CEPT1: variants seen among roughly 807,000 people sequenced by gnomAD.
CEPT1 encodes the protein choline/ethanolamine phosphotransferase 1.
Under a neutral mutation model 42.6 loss-of-function variants are expected in CEPT1, and 7 were observed. That is an observed-to-expected ratio of 0.16 (90% CI 0.09 to 0.31). The LOEUF is 0.31. CEPT1 is among the 10% of genes least tolerant of loss of function. The pLI, the probability that CEPT1 is intolerant of heterozygous loss-of-function variation, is 1.00. For missense variants in CEPT1, 306 were observed against 502.1 expected, an observed-to-expected ratio of 0.61 and a Z score of 3.73; for synonymous variants, 171 against 171.9, an observed-to-expected ratio of 0.99 and a Z score of 0.04.
At chr1:111,139,886 A>G (rs1654203369), upstream of CEPT1, 1 of 149,640 alleles carries the variant, frequency 6.7e-6, no homozygotes, top group Non-Finnish European at 1.5e-5. Context: ...AATGAGGGCC[A>G]GCAGGAGTCT....
intron 1 of CEPT1, among the ~76,000 whole-genome samples, chr1:111,145,633 A>G (rs1178983188): frequency 6.6e-6 from 1 of 152,138 alleles, no homozygotes; most frequent in Non-Finnish European, 1.5e-5. Context: ...CTGAGTGCCT[A>G]CATTTCATGT....
rs12064634 is a variant in CEPT1 at position 111,157,578 on chromosome 1, T to C, written c.340-1802T>C. On this transcript the variant is annotated intron_variant, in intron 2 of 8. Transcript: ENST00000357172. Reference sequence around the variant, plus strand: ...GGATTCCTTTAGGAGCAAGAAGCAGTAGACCCAAAGTCCAGAAGACAGAGT... The same window carrying C: ...GGATTCCTTTAGGAGCAAGAAGCAGCAGACCCAAAGTCCAGAAGACAGAGT... Among the ~76,000 whole-genome samples, 891 of 152,322 alleles carry C rather than the reference T, an allele frequency of 5.8e-3. 11 individuals are homozygous for C. Among genetic ancestry groups the C allele is most frequent in the African/African-American group, 0.02 (845 of 41,566 alleles).
At chr1:111,147,498 G>C (rs1464365740) in intron 1 of CEPT1, 144 bp from the exon 2 acceptor site, 1 of 399,562 alleles carries the variant, frequency 2.5e-6, no homozygotes, top group Non-Finnish European at 4.4e-6. Flanking sequence ...CCAAAATCAG[G>C]TCCCTCCTTT....
chr1:111,155,445 T>TG (rs1655509696), intron 2 of CEPT1, among the ~76,000 whole-genome samples: 1 of 150,318 alleles, frequency 6.7e-6, no homozygotes, highest in Non-Finnish European at 1.5e-5. Flanking sequence ...ATTTTATCAT[T>TG]TGTGTGTGTG....
rs1388939138 is a variant in CEPT1 at position 111,184,543 on chromosome 1, A to AG, written c.*234dup. The AG allele has an allele frequency of 3.0e-6, 1 of 337,480 alleles. No individual in the cohort carries two copies. Among genetic ancestry groups the AG allele is most frequent in the Non-Finnish European group, 5.4e-6 (1 of 185,018 alleles). The allele number at this position is 337,480 out of a possible 1,614,324, so 20.9% of individuals were successfully genotyped here. The stretch of plus-strand genomic sequence containing the variant: ...CAGGGTTTGGGCCAAGAAAGCATGC[A>AG]GAAAAAAATGCCATGTGATTGTAAT... On this transcript the variant is annotated 3_prime_UTR_variant, in exon 9 of 9. Coordinates refer to ENST00000357172, the MANE Select transcript of CEPT1 (RefSeq NM_006090.5).
chr1:111,172,582 G>A (rs892392451), intron 4 of CEPT1, among the ~76,000 whole-genome samples: 1 of 152,196 alleles, frequency 6.6e-6, no homozygotes, highest in African/African-American at 2.4e-5. Context: ...GTAACTAGCT[G>A]TCTTCTAAAC....
At chr1:111,165,842 T>TA (rs1344755737) in intron 4 of CEPT1, among the ~76,000 whole-genome samples, 1 of 152,218 alleles carries the variant, frequency 6.6e-6, no homozygotes, top group African/African-American at 2.4e-5. Context: ...GTTAATAGGC[T>TA]ATGTATTCCA....
chr1:111,160,931 T>G, intron 3 of CEPT1: 1 of 548,852 alleles, frequency 1.8e-6, no homozygotes, highest in East Asian at 3.2e-5. Context: ...TTCAAGAACT[T>G]TGCTTCCACT....
intron 6 of CEPT1, 40 bp downstream of exon 6, chr1:111,182,358 G>C (rs757392537): frequency 4.4e-6 from 7 of 1,587,236 alleles, no homozygotes; most frequent in Non-Finnish European, 5.1e-6. Flanking sequence ...GTTTACACTA[G>C]GACTTGGTTT....
chr1:111,155,119 T>C (rs1328591752), intron 2 of CEPT1, among the ~76,000 whole-genome samples: 1 of 152,240 alleles, frequency 6.6e-6, no homozygotes, highest in Admixed American at 6.5e-5. Context: ...TGGGTTTTTC[T>C]TTGTTGGAAA....
chr1:111,139,788 T>G (rs1253753765), upstream of CEPT1: 1 of 152,722 alleles, frequency 6.5e-6, no homozygotes, highest in South Asian at 2.1e-4. Flanking sequence ...TGAGCCCAGC[T>G]GCACTCATCC....
chr1:111,169,266 AC>A, intron 4 of CEPT1, among the ~76,000 whole-genome samples: 1 of 152,250 alleles, frequency 6.6e-6, no homozygotes, highest in Admixed American at 6.5e-5. Flanking sequence ...TTCTCCAAAG[AC>A]CTGTAGCTTT....
At chr1:111,153,433 C>T (rs566553668) in intron 2 of CEPT1, among the ~76,000 whole-genome samples, 62 of 152,254 alleles carry the variant, frequency 4.1e-4, no homozygotes, top group Non-Finnish European at 8.1e-4. Flanking sequence ...ATCCACCTGC[C>T]TCAGCCTCCC....
At chr1:111,172,570 A>T (rs776758763) in intron 4 of CEPT1, among the ~76,000 whole-genome samples, 2 of 152,220 alleles carry the variant, frequency 1.3e-5, no homozygotes, top group Non-Finnish European at 2.9e-5. Context: ...ATGGATTGTC[A>T]TGTAACTAGC....
At chr1:111,178,971 G>T (rs990390079) in intron 5 of CEPT1, 4 of 152,118 alleles carry the variant, frequency 2.6e-5, no homozygotes, top group Admixed American at 1.3e-4. Flanking sequence ...TATTTTGGTG[G>T]AATTCATTTA....
chr1:111,168,118 C>G (rs1161262811), intron 4 of CEPT1, among the ~76,000 whole-genome samples: 2 of 152,068 alleles, frequency 1.3e-5, no homozygotes, highest in African/African-American at 4.8e-5. Flanking sequence ...AAGTAGTCCT[C>G]CCGCCTCAGC....
chr1:111,146,335 C>T (rs1170657935), intron 1 of CEPT1, among the ~76,000 whole-genome samples: 1 of 152,104 alleles, frequency 6.6e-6, no homozygotes, highest in Non-Finnish European at 1.5e-5. Context: ...TTCCTACCCT[C>T]ATCCCTAGTT....
intron 2 of CEPT1, among the ~76,000 whole-genome samples, chr1:111,152,075 C>T (rs1043331533): frequency 6.6e-6 from 1 of 152,014 alleles, no homozygotes; most frequent in African/African-American, 2.4e-5. Context: ...TGTATTATAC[C>T]CATGAAAACC....
At chr1:111,165,202 C>G (rs1389511500) in intron 4 of CEPT1, among the ~76,000 whole-genome samples, 13 of 151,568 alleles carry the variant, frequency 8.6e-5, no homozygotes, top group African/African-American at 3.1e-4. Flanking sequence ...GCACCCGCCA[C>G]CATGCCCGGC....
Sources: gnomAD v4.1 joint callset for allele counts (sites outside exome capture counted in the v4.1 genomes callset) on GRCh38, gnomAD v4.1.1 for gene constraint, MANE v1.5 for transcripts, NCBI Gene and HGNC (gene_info 2026-07-23, HGNC 2026-07-21) for gene names.